Variants in BRAF observed in about 807,000 individuals in gnomAD.
BRAF encodes the protein serine/threonine-protein kinase B-raf.
Under a neutral mutation model 104.6 loss-of-function variants are expected in BRAF, and 16 were observed. The observed-to-expected ratio is 0.15, with a 90% CI of 0.10 to 0.23. The LOEUF (loss-of-function observed/expected upper bound fraction) is 0.23, where lower values mean the gene tolerates loss of function less well. Ranked by LOEUF, BRAF falls within the 10% of genes least tolerant of loss-of-function variation. The pLI is 1.00. For missense variants in BRAF, 541 were observed against 937.3 expected, an observed-to-expected ratio of 0.58 and a Z score of 5.52; for synonymous variants, 310 against 341.6, an observed-to-expected ratio of 0.91 and a Z score of 1.02.
At chr7:140,822,440 T>A (rs1028462639) in intron 3 of BRAF, 1 of 152,380 alleles carries the variant, frequency 6.6e-6, no homozygotes, top group African/African-American at 2.4e-5. Flanking sequence ...AAATCTTCCA[T>A]CCTGCCATAG....
chr7:140,886,051 AG>A (rs774663687), intron 1 of BRAF, among the ~76,000 whole-genome samples: 19 of 152,208 alleles, frequency 1.2e-4, no homozygotes, highest in Non-Finnish European at 2.2e-4. Flanking sequence ...TTTAGAGACA[AG>A]GACCGAATGT....
intron 3 of BRAF, among the ~76,000 whole-genome samples, chr7:140,832,666 GACAAGA>G (rs1236264683): frequency 6.6e-6 from 1 of 152,122 alleles, no homozygotes; most frequent in Non-Finnish European, 1.5e-5. Flanking sequence ...GAGTATGACG[GACAAGA>G]ACAAGTTACT....
At chr7:140,875,578 A>T (rs931513730) in intron 1 of BRAF, among the ~76,000 whole-genome samples, 4 of 152,152 alleles carry the variant, frequency 2.6e-5, no homozygotes, top group African/African-American at 9.7e-5. Flanking sequence ...GGGTTTCACT[A>T]TGTTGGCCAG....
Position 140,787,300 on chromosome 7 carries a change from C to CAAA in BRAF, c.1177+245_1177+247dup, listed in dbSNP as rs1199383417. Among the ~76,000 whole-genome samples the CAAA allele has an allele frequency of 2.5e-3, 138 of 54,868 alleles. 1 individual carries two copies. The highest frequency in any genetic ancestry group is 8.5e-3 in the East Asian group (12 of 1,404). The allele number at this position is 54,868 out of a possible 152,430, so 36.0% of individuals were successfully genotyped here. A position where few individuals can be genotyped will look rare whatever the true frequency, so the allele number is the denominator to read the frequency against. On this transcript the variant is annotated intron_variant, in intron 9 of 19. Transcript: ENST00000644969. ...TGGGCGACAGAGCGAGACTCCGTCT[C>CAAA]AAAAAAAAAAAAAAAAAAAAAAAAG...
chr7:140,742,509 A>G (rs1417759909), intron 17 of BRAF, among the ~76,000 whole-genome samples: 1 of 152,170 alleles, frequency 6.6e-6, no homozygotes, highest in Admixed American at 6.5e-5. Flanking sequence ...GGTGGTTTTA[A>G]GGGAATTAAT....
intron 1 of BRAF, among the ~76,000 whole-genome samples, chr7:140,871,682 A>G (rs1432530354): frequency 6.6e-6 from 1 of 152,206 alleles, no homozygotes. Flanking sequence ...GAAGCCAAAA[A>G]GTATAAGGAT....
At chr7:140,869,503 G>A (rs1811328652) in intron 1 of BRAF, among the ~76,000 whole-genome samples, 1 of 151,998 alleles carries the variant, frequency 6.6e-6, no homozygotes, top group Admixed American at 6.6e-5. Context: ...CATGGTGGCG[G>A]ACACCCGTAA....
intron 1 of BRAF, among the ~76,000 whole-genome samples, chr7:140,882,467 C>G (rs1039834025): frequency 6.6e-5 from 10 of 151,408 alleles, no homozygotes; most frequent in African/African-American, 2.4e-4. Flanking sequence ...CCTCTGCCTC[C>G]CGGGGGTTCA....
In BRAF at chr7:140,721,225, A is replaced by T; in HGVS notation, c.*5269T>A. 9.2e-7 allele frequency: 1 copy of T among 1,090,304 alleles called. No individual in the cohort carries two copies. The highest frequency in any genetic ancestry group is 1.1e-6 in the Non-Finnish European group (1 of 896,292). 67.5% of individuals were successfully genotyped at this position (1,090,304 alleles called of 1,614,324 possible). A position where few individuals can be genotyped will look rare whatever the true frequency, so the allele number is the denominator to read the frequency against. On this transcript the variant is annotated 3_prime_UTR_variant, in exon 20 of 20. Coordinates refer to ENST00000644969, the MANE Select transcript of BRAF (RefSeq NM_001374258.1). ...GATTTAGTAATTAATAAAACTTAAC[A>T]GTTGAAGTTGTGGATGTTAAATAAA... is the stretch of plus-strand genomic sequence containing the variant.
downstream of BRAF, among the ~76,000 whole-genome samples, chr7:140,718,560 A>AT (rs11395007): frequency 0.088 from 13,019 of 148,286 alleles, 1,730 homozygotes; most frequent in African/African-American, 0.3. Flanking sequence ...TAATTTTTGT[A>AT]TTTTTTAGTA....
intron 5 of BRAF, among the ~76,000 whole-genome samples, chr7:140,804,307 C>A (rs1319117344): frequency 6.6e-6 from 1 of 151,532 alleles, no homozygotes; most frequent in African/African-American, 2.4e-5. Flanking sequence ...TGGATTCAAG[C>A]GATTTTCCTG....
intron 16 of BRAF, among the ~76,000 whole-genome samples, chr7:140,751,257 C>A (rs1399181969): frequency 6.6e-6 from 1 of 151,898 alleles, no homozygotes; most frequent in African/African-American, 2.4e-5. Flanking sequence ...AAAGTAAGGA[C>A]AAAACTGGAG....
intron 12 of BRAF, chr7:140,781,249 A>G: frequency 3.1e-6 from 1 of 325,826 alleles, no homozygotes; most frequent in Non-Finnish European, 5.8e-6. Flanking sequence ...CATTTTTAAT[A>G]TGTTTACTTG....
rs878854675 is a variant in BRAF at position 140,776,945 on chromosome 7, A to G, written c.1781T>C (p.Ile594Thr). Residue 594 changes from isoleucine to threonine, a missense_variant, in exon 14 of 20, where the codon ATA becomes ACA. Coordinates refer to ENST00000644969, the MANE Select transcript of BRAF (RefSeq NM_001374258.1). ...IETKFEMIKLIDIARQTAQGM... is the reference protein window; with the variant it reads ...IETKFEMIKLTDIARQTAQGM... ...CTGTGCAGTCTGTCGTGCAATATCTATAAGTTTGATCATCTCAAATTTGGT... is the reference window on the plus strand; with the variant it reads ...CTGTGCAGTCTGTCGTGCAATATCTGTAAGTTTGATCATCTCAAATTTGGT... The G allele has an allele frequency of 1.4e-5, 23 of 1,613,478 alleles. No homozygotes were observed. The highest frequency in any genetic ancestry group is 3.3e-5 in the South Asian group (3 of 91,064).
chr7:140,872,915 T>C (rs1811774292), intron 1 of BRAF, among the ~76,000 whole-genome samples: 1 of 152,042 alleles, frequency 6.6e-6, no homozygotes. Context: ...ACCAATAAAA[T>C]TCTAAGGAAT....
chr7:140,827,040 G>A (rs1219857881), intron 3 of BRAF, among the ~76,000 whole-genome samples: 3 of 152,152 alleles, frequency 2.0e-5, no homozygotes, highest in Non-Finnish European at 4.4e-5. Flanking sequence ...ATTCTGAATT[G>A]TCTAATTGTT....
intron 14 of BRAF, among the ~76,000 whole-genome samples, chr7:140,769,853 G>A (rs976317985): frequency 1.3e-5 from 2 of 152,188 alleles, no homozygotes; most frequent in African/African-American, 2.4e-5. Flanking sequence ...GGGATTAGAG[G>A]CATGAGCCAC....
At chr7:140,851,998 T>C (rs1809214778) in intron 1 of BRAF, among the ~76,000 whole-genome samples, 1 of 152,216 alleles carries the variant, frequency 6.6e-6, no homozygotes, top group South Asian at 2.1e-4. Flanking sequence ...TTCATGACTC[T>C]TGTCATATAA....
intron 1 of BRAF, among the ~76,000 whole-genome samples, chr7:140,906,167 C>G (rs1563029523): frequency 6.7e-6 from 1 of 150,146 alleles, no homozygotes; most frequent in Non-Finnish European, 1.5e-5. Flanking sequence ...ACCTTTCTCT[C>G]TGACAATACA....
Sources: allele counts gnomAD v4.1 joint callset (sites outside exome capture counted in the v4.1 genomes callset), GRCh38; gene constraint gnomAD v4.1.1; transcripts MANE v1.5; gene names NCBI Gene and HGNC (gene_info 2026-07-23, HGNC 2026-07-21).